Variants in IGSF11 observed in about 807,000 individuals in gnomAD.
The protein encoded by IGSF11 is CXADR like 1.
In IGSF11, 22 loss-of-function variants were observed where a neutral mutation model predicts 41.0. The observed-to-expected ratio is 0.54, with a 90% CI of 0.38 to 0.77. The LOEUF is 0.77. IGSF11 is among the 30% of genes least tolerant of loss of function. The pLI is 0.00. For missense variants in IGSF11, 444 were observed against 530.8 expected, an observed-to-expected ratio of 0.84 and a Z score of 1.61; for synonymous variants, 219 against 201.3, an observed-to-expected ratio of 1.09 and a Z score of -0.74.
chr3:118,906,082 GATC>G (rs971293146), intron 4 of IGSF11, among the ~76,000 whole-genome samples: 1 of 152,132 alleles, frequency 6.6e-6, no homozygotes, highest in African/African-American at 2.4e-5. Flanking sequence ...ATAACATAAA[GATC>G]ATGTTAAACT....
chr3:119,136,915 G>A (rs1171739036), intron 1 of IGSF11, among the ~76,000 whole-genome samples: 2 of 152,064 alleles, frequency 1.3e-5, no homozygotes, highest in Non-Finnish European at 2.9e-5. Context: ...ACAAAAGCCA[G>A]TAGCATTTCT....
intron 2 of IGSF11, 138 bp from the exon 3 acceptor site, chr3:118,928,854 C>CT (rs35557419): frequency 1.6e-3 from 996 of 620,332 alleles, no homozygotes; most frequent in South Asian, 2.6e-3. Flanking sequence ...TTATCATCAA[C>CT]TTTTTTTTTA....
At chr3:119,109,333 G>A (rs376543175), upstream of IGSF11, among the ~76,000 whole-genome samples, 25,012 of 150,674 alleles carry the variant, frequency 0.17, 2,456 homozygotes, top group Non-Finnish European at 0.23. Context: ...TGTATGTGTC[G>A]AGGAATTTAT....
chr3:118,901,631 CCACA>C lies in IGSF11; in HGVS notation c.*885_*888del, dbSNP rs1672950092. On this transcript the variant is annotated 3_prime_UTR_variant, in exon 7 of 7. Transcript: ENST00000393775. ...CAACCCCTTAGCCCTACCTTCCTGCCCACACAACCTAGCTCGGTCATGATATGAT... is the reference window on the plus strand; with the variant it reads ...CAACCCCTTAGCCCTACCTTCCTGCCCAACCTAGCTCGGTCATGATATGAT... The C allele has an allele frequency of 6.6e-6, 1 of 152,082 alleles. No homozygotes were observed. The highest frequency in any genetic ancestry group is 1.9e-4 in the East Asian group (1 of 5,184). 9.4% of individuals were successfully genotyped at this position (152,082 alleles called of 1,614,324 possible).
In IGSF11 at chr3:119,056,351, C is replaced by G. The variant is rs563660135; in HGVS notation, c.49+48793G>C. 2.6e-5 allele frequency among the ~76,000 whole-genome samples: 4 copies of G among 152,228 alleles called. No individual in the cohort carries two copies. The East Asian group carries it at 7.7e-4, about 29-fold the overall frequency. ...AGAGAATACTATAAACACCTCTATG[C>G]AAATAAACTAGAAAATCTAGAAGAA... is the stretch of plus-strand genomic sequence containing the variant. On this transcript the variant is annotated intron_variant, in intron 1 of 6. Coordinates refer to the IGSF11 transcript ENST00000354673.
At chr3:119,007,954 T>C (rs1270036016) in intron 1 of IGSF11, among the ~76,000 whole-genome samples, 1 of 152,178 alleles carries the variant, frequency 6.6e-6, no homozygotes, top group Non-Finnish European at 1.5e-5. Context: ...TCTACTAAAA[T>C]AGCCTTATCA....
At chr3:119,027,924 T>C (rs1281046688) in intron 1 of IGSF11, among the ~76,000 whole-genome samples, 1 of 152,202 alleles carries the variant, frequency 6.6e-6, no homozygotes, top group African/African-American at 2.4e-5. Flanking sequence ...GTTAGTCTGA[T>C]TTGAATATGT....
At chr3:119,126,421 C>T (rs2077405858) in intron 1 of IGSF11, among the ~76,000 whole-genome samples, 1 of 152,212 alleles carries the variant, frequency 6.6e-6, no homozygotes, top group African/African-American at 2.4e-5. Context: ...TCTCTGCAGA[C>T]CAGCAAACTT....
intron 1 of IGSF11, among the ~76,000 whole-genome samples, chr3:119,042,658 C>T (rs953492157): frequency 3.3e-5 from 5 of 152,136 alleles, no homozygotes; most frequent in African/African-American, 1.2e-4. Context: ...CTAACAGTGC[C>T]CACACCTGAT....
rs1939078651 is a variant in IGSF11, at chr3:118,902,879, A to G, written c.937T>C (p.Ser313Pro). ...TATCGACTGTTGTAGGCATTGGAAG[A>G]GGTTAGTGTGTTGTTGTCCGAGGAG... Reference protein sequence around the residue: ...ISSSDNNTLTSSNAYNSRYWS... With the variant: ...ISSSDNNTLTPSNAYNSRYWS... The change falls in exon 7 of 7, where the codon TCT (serine) becomes CCT (proline). Residue 313 changes from serine to proline, a missense_variant. Physicochemically the swap from Ser to Pro is moderately conservative, Grantham distance 74. Transcript: ENST00000393775. The G allele has an allele frequency of 6.2e-7, 1 of 1,614,040 alleles. No homozygotes were observed. Among genetic ancestry groups the G allele is most frequent in the Non-Finnish European group, 8.5e-7 (1 of 1,180,014 alleles).
intron 1 of IGSF11, among the ~76,000 whole-genome samples, chr3:118,952,553 T>C (rs1367551504): frequency 6.6e-6 from 1 of 152,180 alleles, no homozygotes; most frequent in Non-Finnish European, 1.5e-5. Flanking sequence ...AGCAACTTCT[T>C]ATCTGTTAAA....
At chr3:118,911,250 A>C (rs1940244372) in intron 4 of IGSF11, among the ~76,000 whole-genome samples, 1 of 150,786 alleles carries the variant, frequency 6.6e-6, no homozygotes, top group Non-Finnish European at 1.5e-5. Flanking sequence ...TTCATGTCAG[A>C]GGGCAAAAAA....
At chr3:118,998,260 C>T (rs1001036586) in intron 1 of IGSF11, among the ~76,000 whole-genome samples, 2 of 152,026 alleles carry the variant, frequency 1.3e-5, no homozygotes, top group East Asian at 1.9e-4. Context: ...AGGTTTTACA[C>T]TGATTTACAC....
chr3:118,978,596 G>A (rs571874948), intron 1 of IGSF11, among the ~76,000 whole-genome samples: 47 of 152,230 alleles, frequency 3.1e-4, no homozygotes, highest in African/African-American at 1.1e-3. Flanking sequence ...CTGGCATCCC[G>A]GATCTCAGCA....
intron 1 of IGSF11, chr3:119,145,804 G>T (rs2077715973): frequency 5.5e-6 from 1 of 183,372 alleles, no homozygotes; most frequent in Admixed American, 5.4e-5. Flanking sequence ...TTAATCAGAG[G>T]AGCAGTACCT....
chr3:119,038,410 ATCC>A (rs1264336015), upstream of IGSF11, among the ~76,000 whole-genome samples: 4 of 152,132 alleles, frequency 2.6e-5, no homozygotes, highest in Admixed American at 2.6e-4. Flanking sequence ...AGCAATATCC[ATCC>A]TCCTCCCCAT....
intron 1 of IGSF11, among the ~76,000 whole-genome samples, chr3:118,935,576 A>C (rs1015433837): frequency 6.6e-6 from 1 of 151,884 alleles, no homozygotes; most frequent in Non-Finnish European, 1.5e-5. Context: ...TAAATGAGTC[A>C]GGGGTGAAAG....
intron 1 of IGSF11, among the ~76,000 whole-genome samples, chr3:119,101,314 A>T (rs2107505950): frequency 6.6e-6 from 1 of 152,300 alleles, no homozygotes; most frequent in Non-Finnish European, 1.5e-5. Flanking sequence ...GTTCAAGGCC[A>T]GCCTGACCAA....
intron 1 of IGSF11, among the ~76,000 whole-genome samples, chr3:119,101,718 T>C (rs1226489085): frequency 1.3e-5 from 2 of 152,228 alleles, no homozygotes; most frequent in African/African-American, 4.8e-5. Flanking sequence ...CATCTTTTCA[T>C]ATACCTAATT....
Sources: gnomAD v4.1 joint callset for allele counts (sites outside exome capture counted in the v4.1 genomes callset) on GRCh38, gnomAD v4.1.1 for gene constraint, MANE v1.5 for transcripts, NCBI Gene and HGNC (gene_info 2026-07-23, HGNC 2026-07-21) for gene names.